Variants in HDAC9 observed in about 807,000 individuals in gnomAD.
HDAC9 encodes histone deacetylase 9, also known as MEF-2 interacting transcription repressor (MITR) protein.
A neutral mutation model predicts 139.4 loss-of-function variants in HDAC9; 41 were observed. The ratio of observed to expected loss-of-function variants is 0.29; its 90% CI spans 0.23 to 0.38. HDAC9 has a LOEUF of 0.38. Ranked by LOEUF, HDAC9 falls within the 10% of genes least tolerant of loss-of-function variation. HDAC9 has a pLI of 1.00. For missense variants in HDAC9, 1,147 were observed against 1,297.0 expected, an observed-to-expected ratio of 0.88 and a Z score of 1.78; for synonymous variants, 517 against 476.2, an observed-to-expected ratio of 1.09 and a Z score of -1.12.
At chr7:18,102,880 T>C (rs1782940074) in intron 1 of HDAC9, among the ~76,000 whole-genome samples, 1 of 152,214 alleles carries the variant, frequency 6.6e-6, no homozygotes, top group African/African-American at 2.4e-5. Context: ...TGGTTGCCTA[T>C]CTTAGACTTT....
chr7:18,117,437 G>C (rs939787405), intron 1 of HDAC9, among the ~76,000 whole-genome samples: 13 of 151,200 alleles, frequency 8.6e-5, no homozygotes, highest in African/African-American at 3.2e-4. Context: ...AGTGAGCCGA[G>C]ATCGCGCCAC....
At chr7:18,943,622 A>C (rs1782171007) in intron 23 of HDAC9, among the ~76,000 whole-genome samples, 2 of 152,014 alleles carry the variant, frequency 1.3e-5, no homozygotes, top group South Asian at 4.1e-4. Context: ...ACATTTCTCT[A>C]AGCCATAGTA....
At chr7:18,087,006 TCTC>T (rs555418984) in exon 1 of HDAC9, 3 of 150,660 alleles carry the variant, frequency 2.0e-5, no homozygotes, top group Non-Finnish European at 4.4e-5. Flanking sequence ...TTCGCCGCGG[TCTC>T]CTCCTCTAGC....
intron 21 of HDAC9, among the ~76,000 whole-genome samples, chr7:18,862,725 A>G (rs549917863): frequency 1.3e-5 from 2 of 152,172 alleles, no homozygotes; most frequent in Non-Finnish European, 2.9e-5. Context: ...AAAAATACAG[A>G]AAAAAACCTA....
chr7:18,733,619 G>T (rs1786603386), intron 13 of HDAC9, among the ~76,000 whole-genome samples: 1 of 151,152 alleles, frequency 6.6e-6, no homozygotes, highest in African/African-American at 2.4e-5. Flanking sequence ...AAACATTAAT[G>T]TAGAAAATAT....
chr7:18,808,534 CA>C lies in HDAC9; in HGVS notation c.2322+15091del, dbSNP rs574736627. Among the ~76,000 whole-genome samples the C allele has an allele frequency of 6.9e-3, 1,029 of 148,576 alleles. 8 individuals are homozygous for C. The highest frequency in any genetic ancestry group is 9.5e-3 in the Non-Finnish European group (634 of 66,936). The stretch of plus-strand genomic sequence containing the variant: ...TTCAACATACTAACAATGAACTGTC[CA>C]AAAAAAAATCCCACTTACAATAGCT... On this transcript the variant is annotated intron_variant, in intron 17 of 25. Transcript: ENST00000686413.
At chr7:18,375,560 T>A (rs1476344809) in intron 1 of HDAC9, among the ~76,000 whole-genome samples, 1 of 152,170 alleles carries the variant, frequency 6.6e-6, no homozygotes, top group Admixed American at 6.5e-5. Flanking sequence ...CCTTTCCTTT[T>A]CTCCTTAGCT....
chr7:18,368,754 A>G (rs1029016591), intron 1 of HDAC9, among the ~76,000 whole-genome samples: 2 of 149,740 alleles, frequency 1.3e-5, no homozygotes, highest in African/African-American at 4.9e-5. Context: ...ATGCTCAGTG[A>G]GGCAAAATGG....
chr7:18,773,099 A>T (rs1223501210), intron 16 of HDAC9, among the ~76,000 whole-genome samples: 1 of 152,010 alleles, frequency 6.6e-6, no homozygotes, highest in African/African-American at 2.4e-5. Context: ...AGAAAACCTT[A>T]ATTTCCTCCT....
chr7:18,526,286 T>C (rs1806888207), intron 2 of HDAC9, among the ~76,000 whole-genome samples: 1 of 152,160 alleles, frequency 6.6e-6, no homozygotes, highest in South Asian at 2.1e-4. Context: ...GTCTCCCCAT[T>C]GACCACCCCC....
At chr7:18,182,715 G>A (rs1318959852) in intron 2 of HDAC9, among the ~76,000 whole-genome samples, 2 of 152,280 alleles carry the variant, frequency 1.3e-5, no homozygotes, top group East Asian at 3.9e-4. Context: ...AGTAAATCTA[G>A]CTCTTGGATC....
At chr7:18,397,752 G>T (rs1463215904) in intron 1 of HDAC9, among the ~76,000 whole-genome samples, 1 of 152,074 alleles carries the variant, frequency 6.6e-6, no homozygotes, top group African/African-American at 2.4e-5. Context: ...ATAACAAAAA[G>T]CCAGTTGTAG....
At chr7:18,098,661 A>G (rs1268909727) in intron 1 of HDAC9, among the ~76,000 whole-genome samples, 1 of 152,160 alleles carries the variant, frequency 6.6e-6, no homozygotes, top group Admixed American at 6.5e-5. Flanking sequence ...TGTCTATACT[A>G]GATTTTCATC....
At chr7:18,665,365 G>A (rs751709782) in intron 11 of HDAC9, among the ~76,000 whole-genome samples, 35 of 152,092 alleles carry the variant, frequency 2.3e-4, no homozygotes, top group Non-Finnish European at 4.9e-4. Flanking sequence ...ATAATCTTGA[G>A]ACTTTTTCCC....
At chr7:18,887,407 C>A (rs1800257761) in intron 22 of HDAC9, among the ~76,000 whole-genome samples, 1 of 152,156 alleles carries the variant, frequency 6.6e-6, no homozygotes, top group African/African-American at 2.4e-5. Context: ...ATCGGTTGAT[C>A]TGCAGTTTGG....
chr7:18,562,092 G>C (rs1265009650), intron 2 of HDAC9, among the ~76,000 whole-genome samples: 1 of 152,108 alleles, frequency 6.6e-6, no homozygotes, highest in East Asian at 1.9e-4. Flanking sequence ...TAAAAATGTT[G>C]AGTGATTTTC....
intron 21 of HDAC9, among the ~76,000 whole-genome samples, chr7:18,869,846 C>T (rs550469750): frequency 2.8e-4 from 42 of 151,346 alleles, no homozygotes; most frequent in African/African-American, 7.8e-4. Context: ...GTCCCATGAA[C>T]GCATATGCAA....
intron 1 of HDAC9, among the ~76,000 whole-genome samples, chr7:18,486,360 G>C (rs1795975295): frequency 6.6e-6 from 1 of 152,062 alleles, no homozygotes; most frequent in African/African-American, 2.4e-5. Context: ...ATATCTCTCT[G>C]ATCTAGAAAG....
intron 1 of HDAC9, among the ~76,000 whole-genome samples, chr7:18,407,864 G>A (rs899921261): frequency 2.6e-5 from 4 of 152,134 alleles, no homozygotes; most frequent in African/African-American, 9.7e-5. Flanking sequence ...ATGTCTTTCA[G>A]TAGGTTAGGA....
Sources: gnomAD v4.1 joint callset for allele counts (sites outside exome capture counted in the v4.1 genomes callset) on GRCh38, gnomAD v4.1.1 for gene constraint, MANE v1.5 for transcripts, NCBI Gene and HGNC (gene_info 2026-07-23, HGNC 2026-07-21) for gene names.